The following DIDO1 variants were observed in gnomAD, a reference collection of about 807,000 sequenced individuals.
The protein encoded by DIDO1 is death inducer-obliterator 1, also known as death-inducer obliterator 1.
DIDO1 carries 16 observed loss-of-function variants against 99.4 expected under a neutral mutation model. That is an observed-to-expected ratio of 0.16 (90% CI 0.11 to 0.24). The LOEUF (loss-of-function observed/expected upper bound fraction) is 0.24. Ranked by LOEUF, DIDO1 falls within the 10% of genes least tolerant of loss-of-function variation. DIDO1 has a pLI of 1.00. For synonymous variants in DIDO1, 1,366 were observed against 1,239.1 expected (o/e 1.10, Z -2.15); for missense variants, 2,996 against 3,014.0 (o/e 0.99, Z 0.14).
chr20:62,904,808 G>A (rs1332570047), intron 6 of DIDO1, among the ~76,000 whole-genome samples: 107 of 78,316 alleles, frequency 1.4e-3, no homozygotes, highest in Middle Eastern at 7.7e-3. Flanking sequence ...AAAAAAAAAA[G>A]TGTCTTTTTT....
At chr20:62,921,137 C>T (rs540027153) in intron 1 of DIDO1, among the ~76,000 whole-genome samples, 2 of 152,318 alleles carry the variant, frequency 1.3e-5, no homozygotes, top group South Asian at 4.1e-4. Context: ...CTCAGGTGAT[C>T]CGCCCACCTT....
intron 15 of DIDO1, among the ~76,000 whole-genome samples, chr20:62,886,207 G>A (rs1453592340): frequency 1.3e-5 from 2 of 152,258 alleles, no homozygotes; most frequent in African/African-American, 4.8e-5. Context: ...AGGGCCTGGA[G>A]ACGCCAGCTG....
In DIDO1 at chr20:62,907,212, G is replaced by A. The variant is rs750833577; in HGVS notation, c.1309C>T (p.Pro437Ser). ...KFLSSGKEQKPKPKEKMKMKP... is the reference protein window; with the variant it reads ...KFLSSGKEQKSKPKEKMKMKP... ...ATCTTCATCTTTTCTTTAGGCTTTGGCTTCTGTTCTTTACCTGAGCTTAGA... is the reference window on the plus strand; with the variant it reads ...ATCTTCATCTTTTCTTTAGGCTTTGACTTCTGTTCTTTACCTGAGCTTAGA... Residue 437 changes from proline (P) to serine (S), a missense_variant, in exon 5 of 16, where the codon CCA becomes TCA. Physicochemically the swap from Pro to Ser is moderately conservative, Grantham distance 74. Transcript: ENST00000395343. 3.1e-6 allele frequency: 5 copies of A among 1,614,108 alleles called. No individual in the cohort carries two copies. The highest frequency in any genetic ancestry group is 4.2e-6 in the Non-Finnish European group (5 of 1,180,062).
chr20:62,896,135 C>T lies in DIDO1; in HGVS notation c.2214+98G>A. 7.8e-7 allele frequency: 1 copy of T among 1,275,256 alleles called. No individual in the cohort carries two copies. The highest frequency in any genetic ancestry group is 1.1e-6 in the Non-Finnish European group (1 of 923,886). 79.0% of individuals were successfully genotyped at this position (1,275,256 alleles called of 1,614,324 possible). On this transcript the variant is annotated intron_variant, in intron 8 of 15. Transcript: ENST00000395343. This position sits in a 1 kb window ranked among gnomAD's most constrained non-coding sequence, Gnocchi z 4.4. Reference sequence around the variant, plus strand: ...GAGGAGAAAGAAACGTCTTAGCTTTCCTGGAAAGGACACGAACATCTCAAA... The same window carrying T: ...GAGGAGAAAGAAACGTCTTAGCTTTTCTGGAAAGGACACGAACATCTCAAA...
upstream of DIDO1, among the ~76,000 whole-genome samples, chr20:62,929,692 A>AAAAAAAAAAAAAAATATATATATATAT: frequency 4.7e-5 from 3 of 63,710 alleles, no homozygotes; most frequent in African/African-American, 2.3e-4. Context: ...AAAAAGAAAA[A>AAAAAAAAAAAAAAATATATATATATAT]GTGTATATAT....
intron 15 of DIDO1, chr20:62,890,471 C>T: frequency 1.0e-6 from 1 of 992,552 alleles, no homozygotes; most frequent in East Asian, 1.1e-4. Flanking sequence ...ACAATTTGAG[C>T]TGCAGATTTT....
At chr20:62,898,273 C>T (rs2064581981) in intron 6 of DIDO1, among the ~76,000 whole-genome samples, 1 of 152,208 alleles carries the variant, frequency 6.6e-6, no homozygotes, top group Non-Finnish European at 1.5e-5. Flanking sequence ...TGCAGGATAT[C>T]CCGCATGTGC....
chr20:62,886,182 G>A (rs996017627), intron 15 of DIDO1, among the ~76,000 whole-genome samples: 9 of 152,202 alleles, frequency 5.9e-5, no homozygotes, highest in South Asian at 2.1e-4. Flanking sequence ...CGGGGCTCAG[G>A]AGCAACCAGG....
chr20:62,914,642 G>A (rs1368325229), intron 1 of DIDO1, among the ~76,000 whole-genome samples: 1 of 152,140 alleles, frequency 6.6e-6, no homozygotes, highest in Non-Finnish European at 1.5e-5. Flanking sequence ...GCAGGAAGGA[G>A]TGGAGTCCCA....
intron 15 of DIDO1, chr20:62,888,374 G>A (rs1463782817): frequency 2.0e-6 from 2 of 985,398 alleles, no homozygotes; most frequent in Non-Finnish European, 2.4e-6. Context: ...ATGCAGACGG[G>A]CAGCTCAAGG....
intron 5 of DIDO1, among the ~76,000 whole-genome samples, chr20:62,906,717 G>A (rs375156645): frequency 6.6e-6 from 1 of 151,534 alleles, no homozygotes; most frequent in Non-Finnish European, 1.5e-5. Flanking sequence ...CAAATAACAC[G>A]GAGTTCTTTC....
At chr20:62,910,569 G>C (rs6011467) in intron 3 of DIDO1, among the ~76,000 whole-genome samples, 29 of 152,360 alleles carry the variant, frequency 1.9e-4, no homozygotes, top group African/African-American at 7.0e-4. Context: ...ACTGGAAACA[G>C]CCATGTGTGG....
intron 1 of DIDO1, among the ~76,000 whole-genome samples, chr20:62,919,125 C>G (rs1183954769): frequency 2.0e-5 from 3 of 152,212 alleles, no homozygotes; most frequent in African/African-American, 7.2e-5. Flanking sequence ...CCACAAGGAA[C>G]TGAAGAAGCC....
Position 62,895,096 on chromosome 20 carries a change from G to A in DIDO1, c.2284C>T (p.Leu762Phe). 1 of 1,611,858 alleles carries A rather than the reference G, an allele frequency of 6.2e-7. No individual in the cohort carries two copies. Among genetic ancestry groups the A allele is most frequent in the Non-Finnish European group, 8.5e-7 (1 of 1,178,104 alleles). ...CACGTGGAAAGCTCTTTAGATACAAGTTCTTCTGGCTTCAGTCTCACAAGT... is the reference window on the plus strand; with the variant it reads ...CACGTGGAAAGCTCTTTAGATACAAATTCTTCTGGCTTCAGTCTCACAAGT... The part of the protein sequence containing the change: ...AKLVRLKPEE[L>F]VSKELSTWKE... Residue 762 changes from leucine to phenylalanine, a missense_variant, in exon 9 of 16, where the codon CTT (leucine) becomes TTT (phenylalanine). Physicochemically the swap from Leu to Phe is conservative, Grantham distance 22. Around this residue, in one of 5 missense-constraint regions of DIDO1, gnomAD observed 898 missense variants for 972.7 expected, o/e 0.92. Coordinates refer to ENST00000395343, the MANE Select transcript of DIDO1 (RefSeq NM_001193369.2).
intron 15 of DIDO1, among the ~76,000 whole-genome samples, chr20:62,886,328 T>C (rs1374467625): frequency 6.6e-6 from 1 of 152,224 alleles, no homozygotes. Flanking sequence ...ATGGCTTTCT[T>C]CAGGGCGTAC....
In DIDO1 at chr20:62,932,250, T is replaced by C. The variant is rs75469237; in HGVS notation, c.-200+5546A>G. On this transcript the variant is annotated intron_variant, in intron 1 of 15. Transcript: ENST00000266070. ...GCTCACGCCTGTAATCCTGACACTT[T>C]GGGAGGCCCAGGAGAGAGGATCACT... 8.3e-4 allele frequency among the ~76,000 whole-genome samples: 127 copies of C among 152,346 alleles called. 2 individuals are homozygous for C. The East Asian group carries it at 0.021, about 26-fold the overall frequency.
chr20:62,881,781 T>A lies in DIDO1; in HGVS notation c.4175A>T (p.Asp1392Val). The change falls in exon 16 of 16, where the codon GAC becomes GTC. Residue 1392 changes from aspartate (D) to valine (V), a missense_variant. Physicochemically the swap from Asp to Val is radical, Grantham distance 152. Transcript: ENST00000395343. The surrounding 1 kb of genome is among the most constrained non-coding windows in gnomAD (Gnocchi z 8.3). The stretch of plus-strand genomic sequence containing the variant: ...CTGAGTGTCGAAGGCCCTCTCCGGG[T>A]CGTACTCCTCCTCAGGGTCGTATGG... ...DRPYDPEEEY[D>V]PERAFDTQLV... 6.2e-7 allele frequency: 1 copy of A among 1,613,280 alleles called. No homozygotes were observed. Among genetic ancestry groups the A allele is most frequent in the Non-Finnish European group, 8.5e-7 (1 of 1,180,002 alleles).
chr20:62,916,003 G>C (rs2065030666), intron 1 of DIDO1, among the ~76,000 whole-genome samples: 1 of 152,082 alleles, frequency 6.6e-6, no homozygotes, highest in Admixed American at 6.6e-5. Context: ...TTACAAAACT[G>C]ATTTCATAAT....
intron 14 of DIDO1, among the ~76,000 whole-genome samples, 197 bp downstream of exon 14, chr20:62,891,790 A>G (rs944294311): frequency 1.3e-5 from 2 of 151,076 alleles, no homozygotes; most frequent in Non-Finnish European, 2.9e-5. Context: ...CAGTCTTGCT[A>G]TGTCTCCCAG....
Sources: allele counts gnomAD v4.1 joint callset (sites outside exome capture counted in the v4.1 genomes callset), GRCh38; gene constraint gnomAD v4.1.1; regional missense constraint gnomAD v4.1.1; non-coding constraint Gnocchi (gnomAD v3.1); transcripts MANE v1.5; gene names NCBI Gene and HGNC (gene_info 2026-07-23, HGNC 2026-07-21).